Variants in RIMOC1 observed in about 807,000 individuals in gnomAD.
RIMOC1 encodes the protein RAB7A-interacting MON1-CCZ1 complex subunit 1.
the RIMOC1 span, chr5:41,911,022 G>A: frequency 6.3e-7 from 1 of 1,596,724 alleles, no homozygotes; most frequent in Non-Finnish European, 8.5e-7. Context: ...TCCCTTTTTA[G>A]CTATGTCTTT....
the RIMOC1 span, chr5:41,920,994 T>G: frequency 6.6e-6 from 1 of 152,622 alleles, no homozygotes; most frequent in Non-Finnish European, 1.5e-5. Flanking sequence ...AATATGAATT[T>G]TTTTGATGTT....
chr5:41,912,300 G>A, the RIMOC1 span: 16 of 622,464 alleles, frequency 2.6e-5, no homozygotes, highest in Non-Finnish European at 3.6e-5. Flanking sequence ...AGACAAAAAA[G>A]TAATAAGTAA....
chr5:41,908,394 G>A, the RIMOC1 span: 6 of 152,344 alleles, frequency 3.9e-5, no homozygotes, highest in African/African-American at 1.5e-4. Flanking sequence ...ATTTTATTAT[G>A]GTAACTAACA....
the RIMOC1 span, chr5:41,916,517 T>C: frequency 1.1e-6 from 1 of 917,942 alleles, no homozygotes; most frequent in African/African-American, 1.8e-5. Flanking sequence ...GGCATGATTA[T>C]GCATGATAAT....
chr5:41,916,586 T>G, the RIMOC1 span: 38,015 of 481,138 alleles, frequency 0.079, 3,088 homozygotes, highest in African/African-American at 0.3. Flanking sequence ...CTATATGAAT[T>G]ATCCTAGAGC....
At chr5:41,913,390 G>A in the RIMOC1 span, among the ~76,000 whole-genome samples, 6 of 152,196 alleles carry the variant, frequency 3.9e-5, no homozygotes, top group African/African-American at 9.6e-5. Context: ...TGCCACAAGC[G>A]TCTGTGTACT....
chr5:41,908,640 G>A, the RIMOC1 span, among the ~76,000 whole-genome samples: 3 of 152,084 alleles, frequency 2.0e-5, no homozygotes, highest in African/African-American at 7.2e-5. Flanking sequence ...ACAAACCACA[G>A]AGAACTGTTT....
chr5:41,909,945 C>G, the RIMOC1 span: 33 of 1,397,796 alleles, frequency 2.4e-5, no homozygotes, highest in Non-Finnish European at 3.2e-5. Context: ...TACTTGCTGT[C>G]CTGCTTTTTG....
the RIMOC1 span, chr5:41,921,629 C>T: frequency 6.6e-6 from 1 of 152,106 alleles, no homozygotes; most frequent in African/African-American, 2.4e-5. Context: ...TAAAACCATA[C>T]ACCCCTACTT....
the RIMOC1 span, chr5:41,921,517 T>G: frequency 6.6e-6 from 1 of 152,012 alleles, no homozygotes; most frequent in Non-Finnish European, 1.5e-5. Context: ...TAGCCACAAT[T>G]AAAGTATGTA....
At chr5:41,905,367 A>G in the RIMOC1 span, among the ~76,000 whole-genome samples, 1 of 152,230 alleles carries the variant, frequency 6.6e-6, no homozygotes, top group African/African-American at 2.4e-5. Flanking sequence ...GAGGCAGAGT[A>G]TCATTCTGTT....
At chr5:41,904,580 C>A in the RIMOC1 span, 1 of 990,864 alleles carries the variant, frequency 1.0e-6, no homozygotes, top group Non-Finnish European at 1.5e-6. Flanking sequence ...TCCCAGGCCG[C>A]AGGTGGTTAC....
chr5:41,913,453 G>A, the RIMOC1 span, among the ~76,000 whole-genome samples: 6 of 152,170 alleles, frequency 3.9e-5, no homozygotes, highest in African/African-American at 1.2e-4. Context: ...AGACTTGTGT[G>A]TGAGGAGAGA....
At chr5:41,908,797 A>G in the RIMOC1 span, among the ~76,000 whole-genome samples, 4 of 152,160 alleles carry the variant, frequency 2.6e-5, no homozygotes, top group Admixed American at 2.6e-4. Flanking sequence ...CTAGAGATAC[A>G]GATTTCAATT....
the RIMOC1 span, among the ~76,000 whole-genome samples, chr5:41,908,882 G>A: frequency 1.3e-5 from 2 of 152,106 alleles, no homozygotes; most frequent in Admixed American, 1.3e-4. Context: ...AATCATATAT[G>A]ATGATCTCTC....
At chr5:41,910,972 G>A in the RIMOC1 span, 3 of 1,536,192 alleles carry the variant, frequency 2.0e-6, no homozygotes, top group Non-Finnish European at 2.6e-6. Context: ...TAATCGATGA[G>A]TTTTTGAAAT....
the RIMOC1 span, among the ~76,000 whole-genome samples, chr5:41,913,157 G>A: frequency 5.6e-4 from 86 of 152,226 alleles, no homozygotes; most frequent in Non-Finnish European, 1.0e-3. Flanking sequence ...ATGGCAAAAG[G>A]GAATTTCAGC....
chr5:41,917,482 TGAAGG>T, the RIMOC1 span: 1 of 1,291,730 alleles, frequency 7.7e-7, no homozygotes, highest in Non-Finnish European at 9.8e-7. Context: ...AGTAAACCTA[TGAAGG>T]GATGATTCTT....
chr5:41,918,667 A>G, the RIMOC1 span: 1 of 985,034 alleles, frequency 1.0e-6, no homozygotes, highest in Non-Finnish European at 1.2e-6. Flanking sequence ...CTCAATGTAA[A>G]CCTTATGTTT....
Sources: allele counts gnomAD v4.1 joint callset (sites outside exome capture counted in the v4.1 genomes callset), GRCh38; gene constraint gnomAD v4.1.1; transcripts MANE v1.5; gene names NCBI Gene and HGNC (gene_info 2026-07-23, HGNC 2026-07-21).